LGSN: variants seen among roughly 807,000 people sequenced by gnomAD.
LGSN encodes the protein lengsin.
In LGSN, 21 loss-of-function variants were observed where a neutral mutation model predicts 19.5. The ratio of observed to expected loss-of-function variants is 1.07; its 90% CI spans 0.76 to 1.55. The LOEUF is 1.55. Among genes scored for constraint, LGSN ranks in the 40% most tolerant of loss-of-function variants. The pLI, the probability that LGSN is intolerant of heterozygous loss-of-function variation, is 0.00. For synonymous variants in LGSN, 257 were observed against 215.6 expected (o/e 1.19, Z -1.68); for missense variants, 673 against 608.5 (o/e 1.11, Z -1.12).
At chr6:63,328,485 C>A in the LGSN span, among the ~76,000 whole-genome samples, 451 of 152,340 alleles carry the variant, frequency 3.0e-3, 3 homozygotes, top group African/African-American at 0.01. Context: ...CCATTTACAT[C>A]ATGAGTACTC....
chr6:63,559,047 G>C, the LGSN span, among the ~76,000 whole-genome samples: 21 of 152,210 alleles, frequency 1.4e-4, no homozygotes, highest in Non-Finnish European at 2.9e-4. Flanking sequence ...GAGAAGGATA[G>C]ATCATTTTGC....
At chr6:63,542,509 T>G in the LGSN span, among the ~76,000 whole-genome samples, 4 of 152,124 alleles carry the variant, frequency 2.6e-5, no homozygotes, top group African/African-American at 4.8e-5. Flanking sequence ...CAGCAAAACT[T>G]TTCAAGAGTC....
At chr6:63,323,041 G>A (rs573762771), upstream of LGSN, among the ~76,000 whole-genome samples, 5 of 152,204 alleles carry the variant, frequency 3.3e-5, no homozygotes, top group South Asian at 1.0e-3. Flanking sequence ...TTTTAATTTA[G>A]CATTTTCAAT....
chr6:63,393,995 C>A, the LGSN span, among the ~76,000 whole-genome samples: 1 of 152,110 alleles, frequency 6.6e-6, no homozygotes, highest in South Asian at 2.1e-4. Context: ...CAACTGGGCG[C>A]GGTGGCTCAC....
At chr6:63,489,063 AGG>A in the LGSN span, among the ~76,000 whole-genome samples, 4 of 152,210 alleles carry the variant, frequency 2.6e-5, no homozygotes, top group African/African-American at 4.8e-5. Flanking sequence ...ATTTTTGCTA[AGG>A]ATCATGATAA....
intron 1 of LGSN, among the ~76,000 whole-genome samples, chr6:63,311,154 T>C (rs1649145091): frequency 1.3e-5 from 2 of 152,192 alleles, no homozygotes; most frequent in African/African-American, 4.8e-5. Context: ...TTATCTCCTG[T>C]TACAATTCTT....
At chr6:63,489,210 A>C in the LGSN span, among the ~76,000 whole-genome samples, 4 of 152,208 alleles carry the variant, frequency 2.6e-5, no homozygotes, top group African/African-American at 9.6e-5. Flanking sequence ...TGCTGTACGA[A>C]ATTAGCTTTT....
At chr6:63,363,745 G>C in the LGSN span, among the ~76,000 whole-genome samples, 1 of 152,178 alleles carries the variant, frequency 6.6e-6, no homozygotes, top group East Asian at 1.9e-4. Flanking sequence ...GAAAGTGATG[G>C]GGAGAATGGA....
chr6:63,511,731 A>T, the LGSN span, among the ~76,000 whole-genome samples: 2 of 152,188 alleles, frequency 1.3e-5, no homozygotes, highest in Admixed American at 1.3e-4. Context: ...ATTGTCCCTC[A>T]GAATCAAAAT....
At chr6:63,482,492 G>A in the LGSN span, among the ~76,000 whole-genome samples, 5 of 152,174 alleles carry the variant, frequency 3.3e-5, no homozygotes, top group African/African-American at 9.6e-5. Flanking sequence ...ATTTTGGGAG[G>A]CCAAGGCGGG....
the LGSN span, among the ~76,000 whole-genome samples, chr6:63,510,483 CA>C: frequency 3.7e-5 from 5 of 133,822 alleles, no homozygotes; most frequent in East Asian, 1.2e-3. Context: ...GTTTTTTAAA[CA>C]CTTCAAGTCA....
At chr6:63,492,578 A>T in the LGSN span, among the ~76,000 whole-genome samples, 5 of 145,920 alleles carry the variant, frequency 3.4e-5, no homozygotes, top group East Asian at 1.9e-4. Flanking sequence ...GTTTCCTAAG[A>T]CCTTACATCT....
At chr6:63,492,830 C>T in the LGSN span, among the ~76,000 whole-genome samples, 1 of 152,360 alleles carries the variant, frequency 6.6e-6, no homozygotes, top group South Asian at 2.1e-4. Flanking sequence ...TTTAAAATCA[C>T]ACTTCAGGCT....
chr6:63,317,939 C>T (rs1768928765), intron 1 of LGSN, among the ~76,000 whole-genome samples: 1 of 152,206 alleles, frequency 6.6e-6, no homozygotes, highest in African/African-American at 2.4e-5. Flanking sequence ...CTCAGCACCA[C>T]ACACAAGGTT....
At chr6:63,511,682 A>AT in the LGSN span, among the ~76,000 whole-genome samples, 1 of 152,284 alleles carries the variant, frequency 6.6e-6, no homozygotes, top group African/African-American at 2.4e-5. Context: ...ACGTATTAAA[A>AT]TTTTTTCTGA....
chr6:63,293,200 T>G (rs1043683793), intron 2 of LGSN, among the ~76,000 whole-genome samples: 1 of 152,282 alleles, frequency 6.6e-6, no homozygotes, highest in South Asian at 2.1e-4. Flanking sequence ...TCTGCCTATG[T>G]TGCCCAGGCT....
the LGSN span, among the ~76,000 whole-genome samples, chr6:63,351,483 GAGTCTC>G: frequency 6.6e-6 from 1 of 151,916 alleles, no homozygotes; most frequent in Admixed American, 6.6e-5. Flanking sequence ...AACAGAGACA[GAGTCTC>G]ACTCTGCCAC....
chr6:63,313,201 A>G (rs1178255010), intron 1 of LGSN, among the ~76,000 whole-genome samples: 1 of 152,196 alleles, frequency 6.6e-6, no homozygotes, highest in Non-Finnish European at 1.5e-5. Flanking sequence ...AAACATAAAA[A>G]GGAAGTACCA....
the LGSN span, among the ~76,000 whole-genome samples, chr6:63,505,406 C>G: frequency 6.6e-6 from 1 of 151,038 alleles, no homozygotes; most frequent in Non-Finnish European, 1.5e-5. Context: ...AGTGAAACCC[C>G]GTCTCTACTA....
Sources: allele counts gnomAD v4.1 joint callset (sites outside exome capture counted in the v4.1 genomes callset), GRCh38; gene constraint gnomAD v4.1.1; transcripts MANE v1.5; gene names NCBI Gene and HGNC (gene_info 2026-07-23, HGNC 2026-07-21).